The following DLGAP2 variants were observed in gnomAD, a reference collection of about 807,000 sequenced individuals.
The protein encoded by DLGAP2 is DLG associated protein 2.
Under a neutral mutation model 100.3 loss-of-function variants are expected in DLGAP2, and 26 were observed. The ratio of observed to expected loss-of-function variants is 0.26; its 90% CI spans 0.19 to 0.36. The LOEUF (loss-of-function observed/expected upper bound fraction) is 0.36. DLGAP2 is among the 10% of genes least tolerant of loss of function. The pLI is 1.00. For synonymous variants in DLGAP2, 886 were observed against 630.1 expected (o/e 1.41, Z -6.08); for missense variants, 1,858 against 1,453.2 (o/e 1.28, Z -4.53).
chr8:884,429 A>C (rs192188377), intron 1 of DLGAP2, among the ~76,000 whole-genome samples: 60 of 151,412 alleles, frequency 4.0e-4, no homozygotes, highest in African/African-American at 1.3e-3. Context: ...TGGCTGTGTA[A>C]ATGTCTTCTT....
At chr8:1,671,184 C>T (rs1203726763) in intron 10 of DLGAP2, among the ~76,000 whole-genome samples, 1 of 152,212 alleles carries the variant, frequency 6.6e-6, no homozygotes, top group African/African-American at 2.4e-5. Flanking sequence ...CACTCCACCC[C>T]TCTCTGCTCT....
intron 4 of DLGAP2, among the ~76,000 whole-genome samples, chr8:1,541,615 A>T: frequency 6.6e-6 from 1 of 152,196 alleles, no homozygotes; most frequent in East Asian, 1.9e-4. Context: ...CTGTCCCAGG[A>T]CCAGATCTTG....
rs767336631 is a variant in DLGAP2 at position 1,041,054 on chromosome 8, T to C, written c.73+133088T>C. The stretch of plus-strand genomic sequence containing the variant: ...AGTGAGGATGGCATCTTGATTTTAA[T>C]TGAGTTACCAGAAATGGTGCAGACT... On this transcript the variant is annotated intron_variant, in intron 2 of 14. Transcript: ENST00000637795. Among the ~76,000 whole-genome samples the C allele has an allele frequency of 9.2e-5, 14 of 152,190 alleles. 1 individual carries two copies. Among genetic ancestry groups the C allele is most frequent in the South Asian group, 2.1e-4 (1 of 4,820 alleles).
At chr8:920,994 A>G (rs1447705350) in intron 2 of DLGAP2, among the ~76,000 whole-genome samples, 2 of 151,456 alleles carry the variant, frequency 1.3e-5, no homozygotes, top group Non-Finnish European at 2.9e-5. Context: ...GCTCTTGGAA[A>G]CCTTCCACCT....
intron 2 of DLGAP2, among the ~76,000 whole-genome samples, chr8:1,038,274 T>C (rs986038023): frequency 2.6e-5 from 4 of 152,346 alleles, no homozygotes; most frequent in Middle Eastern, 6.8e-3. Flanking sequence ...TGGATGATTC[T>C]TCCAGAACCT....
chr8:954,665 T>A (rs1799556305), intron 2 of DLGAP2, among the ~76,000 whole-genome samples: 1 of 151,920 alleles, frequency 6.6e-6, no homozygotes, highest in Non-Finnish European at 1.5e-5. Flanking sequence ...ACCTGGAAAA[T>A]AAGCAATATA....
intron 1 of DLGAP2, among the ~76,000 whole-genome samples, chr8:838,533 ATTGT>A (rs1480229362): frequency 6.6e-6 from 1 of 152,128 alleles, no homozygotes; most frequent in African/African-American, 2.4e-5. Context: ...CATAATATAC[ATTGT>A]TTGATAAGCT....
In DLGAP2 at chr8:958,974, C is replaced by T. The variant is rs569138350; in HGVS notation, c.73+51008C>T. On this transcript the variant is annotated intron_variant, in intron 2 of 14. Coordinates refer to ENST00000637795, the MANE Select transcript of DLGAP2 (RefSeq NM_001346810.2). ...TGTGTGGGCTTTTGAAGCATTGATG[C>T]TGAAGATTATGCAGCAACAAAATGT... 5.9e-5 allele frequency among the ~76,000 whole-genome samples: 9 copies of T among 152,240 alleles called. No individual in the cohort carries two copies. In the South Asian group the frequency reaches 1.9e-3, roughly 32 times the overall value.
chr8:976,276 C>T (rs1473162639), intron 2 of DLGAP2, among the ~76,000 whole-genome samples: 1 of 152,034 alleles, frequency 6.6e-6, no homozygotes, highest in Non-Finnish European at 1.5e-5. Context: ...TTGTATTGGT[C>T]AAAAAATCGG....
intron 2 of DLGAP2, among the ~76,000 whole-genome samples, chr8:958,678 T>C (rs1201264000): frequency 6.6e-6 from 1 of 151,822 alleles, no homozygotes; most frequent in Admixed American, 6.6e-5. Context: ...CTCGTGCTTC[T>C]GTGTTGTATT....
intron 2 of DLGAP2, among the ~76,000 whole-genome samples, chr8:1,196,363 A>T (rs1054803207): frequency 6.6e-6 from 1 of 152,136 alleles, no homozygotes. Context: ...TCTTTCCCCC[A>T]TCCCCAGGTG....
chr8:1,420,373 G>A (rs1012645245), intron 3 of DLGAP2, among the ~76,000 whole-genome samples: 9 of 152,170 alleles, frequency 5.9e-5, no homozygotes, highest in African/African-American at 1.7e-4. Flanking sequence ...ATAAATACAC[G>A]TAAATGAAGC....
intron 3 of DLGAP2, among the ~76,000 whole-genome samples, chr8:1,440,122 C>G (rs1158813356): frequency 6.6e-6 from 1 of 152,078 alleles, no homozygotes; most frequent in African/African-American, 2.4e-5. Context: ...AGATTTTACT[C>G]CTCTTCATTT....
At chr8:828,082 G>C (rs906425827) in intron 1 of DLGAP2, among the ~76,000 whole-genome samples, 1 of 152,116 alleles carries the variant, frequency 6.6e-6, no homozygotes, top group Non-Finnish European at 1.5e-5. Context: ...ATATCACAAG[G>C]CAAGTGGAGG....
intron 2 of DLGAP2, among the ~76,000 whole-genome samples, chr8:978,247 T>C (rs367941805): frequency 3.0e-3 from 127 of 42,032 alleles, no homozygotes; most frequent in Admixed American, 8.6e-3. Flanking sequence ...TCTTTGGTGT[T>C]GTGGGGAGGG....
intron 2 of DLGAP2, among the ~76,000 whole-genome samples, chr8:959,521 A>C (rs1799673709): frequency 6.6e-6 from 1 of 152,228 alleles, no homozygotes; most frequent in South Asian, 2.1e-4. Context: ...TGTCCAGGGC[A>C]GCCTTGTGCA....
chr8:1,244,007 T>G (rs1798853247), intron 2 of DLGAP2, among the ~76,000 whole-genome samples: 1 of 152,014 alleles, frequency 6.6e-6, no homozygotes, highest in Non-Finnish European at 1.5e-5. Context: ...GCTCCCAGCC[T>G]CTGCACTCCA....
At chr8:917,571 C>T (rs1056730945) in intron 2 of DLGAP2, among the ~76,000 whole-genome samples, 6 of 151,896 alleles carry the variant, frequency 4.0e-5, no homozygotes, top group East Asian at 1.9e-4. Flanking sequence ...TACTGGACAG[C>T]GTCTCCAGAA....
chr8:1,385,157 TGCACAGTTACCCC>T (rs1796189099), intron 3 of DLGAP2, among the ~76,000 whole-genome samples: 1 of 86,764 alleles, frequency 1.2e-5, no homozygotes. Flanking sequence ...GAGAACTTGG[TGCACAGTTACCCC>T]GGCCTATGCC....
Sources: allele counts gnomAD v4.1 joint callset (sites outside exome capture counted in the v4.1 genomes callset), GRCh38; gene constraint gnomAD v4.1.1; transcripts MANE v1.5; gene names NCBI Gene and HGNC (gene_info 2026-07-23, HGNC 2026-07-21).